CDK15: variants seen among roughly 807,000 people sequenced by gnomAD.
CDK15 encodes cyclin dependent kinase 15, also known as cyclin-dependent kinase 15.
A neutral mutation model predicts 60.3 loss-of-function variants in CDK15; 62 were observed. That is an observed-to-expected ratio of 1.03 (90% CI 0.84 to 1.27). The LOEUF (loss-of-function observed/expected upper bound fraction) is 1.27. Among genes scored for constraint, CDK15 ranks in the 50% most tolerant of loss-of-function variants. The probability of loss-of-function intolerance (pLI) is 0.00; values close to 1 mark genes in which losing one functional copy is unlikely to be tolerated. For synonymous variants in CDK15, 194 were observed against 195.7 expected (o/e 0.99, Z 0.07); for missense variants, 541 against 527.8 (o/e 1.03, Z -0.25).
intron 10 of CDK15, among the ~76,000 whole-genome samples, chr2:201,858,727 G>C (rs184330884): frequency 6.6e-6 from 1 of 152,150 alleles, no homozygotes; most frequent in East Asian, 1.9e-4. Flanking sequence ...ACCCTGGAAC[G>C]TGAACTCCAT....
At chr2:201,863,539 CACCATCAAGCTCTGTAAAACA>C (rs1698484631) in intron 10 of CDK15, among the ~76,000 whole-genome samples, 1 of 152,168 alleles carries the variant, frequency 6.6e-6, no homozygotes, top group South Asian at 2.1e-4. Flanking sequence ...CAGTGCTTTG[CACCATCAAGCTCTGTAAAACA>C]CAGAGCTGGG....
chr2:201,885,955 A>C (rs941371863), intron 12 of CDK15, among the ~76,000 whole-genome samples: 5 of 152,184 alleles, frequency 3.3e-5, no homozygotes, highest in African/African-American at 9.7e-5. Flanking sequence ...CACAGCTAGA[A>C]AGTTGTAGAG....
intron 11 of CDK15, among the ~76,000 whole-genome samples, chr2:201,875,338 G>A (rs1269890386): frequency 6.6e-6 from 1 of 152,188 alleles, no homozygotes; most frequent in African/African-American, 2.4e-5. Context: ...TGGCAGAAAT[G>A]GAAATTGGTA....
chr2:201,833,174 C>T (rs1347567903), intron 6 of CDK15, among the ~76,000 whole-genome samples: 2 of 147,834 alleles, frequency 1.4e-5, no homozygotes, highest in Non-Finnish European at 3.0e-5. Context: ...CTTCTTCCTC[C>T]TACAATTTGT....
chr2:201,823,719 A>G lies in CDK15; in HGVS notation c.598A>G (p.Asn200Asp), dbSNP rs373766977. Residue 200 changes from asparagine to aspartate, a missense_variant, in exon 6 of 14, where the codon AAT becomes GAT. Physicochemically the swap from Asn to Asp is conservative, Grantham distance 23. Transcript: ENST00000652192. ...SQHPGGLHPH[N>D]VRLFMFQLLR... ...GCATCCAGGAGGGCTTCATCCTCATAATGTCAGAGTGAGTACGTTAAGGGT... is the reference window on the plus strand; with the variant it reads ...GCATCCAGGAGGGCTTCATCCTCATGATGTCAGAGTGAGTACGTTAAGGGT... The G allele has an allele frequency of 6.8e-6, 11 of 1,613,526 alleles. No homozygotes were observed. The highest frequency in any genetic ancestry group is 8.5e-6 in the Non-Finnish European group (10 of 1,179,738).
At chr2:201,850,320 A>T (rs1375757810) in intron 9 of CDK15, among the ~76,000 whole-genome samples, 1 of 152,188 alleles carries the variant, frequency 6.6e-6, no homozygotes, top group Non-Finnish European at 1.5e-5. Flanking sequence ...TCTTTGAATG[A>T]CCACACAATT....
At position 201,890,821 on chromosome 2, in the gene CDK15, A is replaced by G; in HGVS notation, c.1235A>G (p.Lys412Arg). 6.2e-7 allele frequency: 1 copy of G among 1,613,744 alleles called. No individual in the cohort carries two copies. The highest frequency in any genetic ancestry group is 8.5e-7 in the Non-Finnish European group (1 of 1,179,822). ...TTTACAGTTTCAGGAGTGAGGCTAAAGCCAGAAATGTGTGACCTTTTGGCC... is the reference window on the plus strand; with the variant it reads ...TTTACAGTTTCAGGAGTGAGGCTAAGGCCAGAAATGTGTGACCTTTTGGCC... ...SLFTVSGVRL[K>R]PEMCDLLASY... Residue 412 changes from lysine (K) to arginine (R), a missense_variant, in exon 13 of 14, where the codon AAG becomes AGG. Coordinates refer to ENST00000652192, the MANE Select transcript of CDK15 (RefSeq NM_001366386.2).
At chr2:201,870,275 C>A (rs944438928) in intron 10 of CDK15, among the ~76,000 whole-genome samples, 1 of 152,178 alleles carries the variant, frequency 6.6e-6, no homozygotes, top group Admixed American at 6.5e-5. Flanking sequence ...AGTGAGTAGT[C>A]TTCCAGATCT....
rs1574874044 is a variant in CDK15, at chr2:201,834,048, G to T, written c.730+77G>T. 3.3e-6 allele frequency: 5 copies of T among 1,502,730 alleles called. No homozygotes were observed. In the East Asian group the frequency reaches 1.2e-4, roughly 36 times the overall value. 93.1% of individuals were successfully genotyped at this position (1,502,730 alleles called of 1,614,324 possible). A position where few individuals can be genotyped will look rare whatever the true frequency, so the allele number is the denominator to read the frequency against. ...GTGCACTTGTTTAAGCGTTGACTGGGCCTGGCCTTTGAAAACTGGAGGCCC... is the reference window on the plus strand; with the variant it reads ...GTGCACTTGTTTAAGCGTTGACTGGTCCTGGCCTTTGAAAACTGGAGGCCC... On this transcript the variant is annotated intron_variant, in intron 7 of 13. Coordinates refer to ENST00000652192, the MANE Select transcript of CDK15 (RefSeq NM_001366386.2).
At chr2:201,846,266 G>T (rs1398544191) in intron 8 of CDK15, among the ~76,000 whole-genome samples, 1 of 152,160 alleles carries the variant, frequency 6.6e-6, no homozygotes, top group Non-Finnish European at 1.5e-5. Context: ...GCTGAGGTGG[G>T]TGGATCACTT....
Position 201,854,208 on chromosome 2 carries a change from C to T in CDK15, c.946-666C>T, listed in dbSNP as rs138675719. On this transcript the variant is annotated intron_variant, in intron 9 of 13. Transcript: ENST00000652192. Reference sequence around the variant, plus strand: ...AAACATCGGTAATTCAAAGCATAGACCAGCCCTTTTTCAAGTGATGTTGTT... The same window carrying T: ...AAACATCGGTAATTCAAAGCATAGATCAGCCCTTTTTCAAGTGATGTTGTT... Among the ~76,000 whole-genome samples, 45 of 152,102 alleles carry T rather than the reference C, an allele frequency of 3.0e-4. No individual in the cohort carries two copies. The East Asian group carries it at 6.6e-3, about 22-fold the overall frequency.
At chr2:201,836,135 T>TC (rs1559126366) in intron 8 of CDK15, among the ~76,000 whole-genome samples, 26 of 112,856 alleles carry the variant, frequency 2.3e-4, no homozygotes, top group Non-Finnish European at 4.3e-4. Context: ...ATTTTATATA[T>TC]TTATATATTA....
At chr2:201,830,672 C>T (rs1696714781) in intron 6 of CDK15, among the ~76,000 whole-genome samples, 1 of 152,044 alleles carries the variant, frequency 6.6e-6, no homozygotes, top group East Asian at 1.9e-4. Context: ...TCCAAGTGCC[C>T]ACATCTTCAG....
At position 201,871,520 on chromosome 2, in the gene CDK15, C is replaced by T. The variant is rs528052061; in HGVS notation, c.1010-758C>T. On this transcript the variant is annotated intron_variant, in intron 10 of 13. Coordinates refer to ENST00000652192, the MANE Select transcript of CDK15 (RefSeq NM_001366386.2). ...GCCTCATTATTCATCACATTTCACG[C>T]GCGTATACTTGTTCTCCCAAATGAA... Among the ~76,000 whole-genome samples the T allele has an allele frequency of 6.6e-5, 10 of 151,910 alleles. No homozygotes were observed. In the South Asian group the frequency reaches 8.3e-4, roughly 13 times the overall value.
At chr2:201,807,126 T>C (rs1695544779) in intron 1 of CDK15, among the ~76,000 whole-genome samples, 1 of 152,130 alleles carries the variant, frequency 6.6e-6, no homozygotes, top group South Asian at 2.1e-4. Context: ...GATTTGAAAC[T>C]TTAGTAATTA....
chr2:201,839,156 C>T (rs1184994222), intron 8 of CDK15, among the ~76,000 whole-genome samples: 1 of 152,074 alleles, frequency 6.6e-6, no homozygotes, highest in Non-Finnish European at 1.5e-5. Context: ...ATCTGTTTAG[C>T]TATACTTTAT....
intron 3 of CDK15, among the ~76,000 whole-genome samples, chr2:201,809,881 T>TC (rs1176982661): frequency 6.6e-6 from 1 of 151,880 alleles, no homozygotes; most frequent in Non-Finnish European, 1.5e-5. Context: ...CACAGCTGAC[T>TC]CCCCCTCGCC....
At chr2:201,820,402 G>A (rs1403226527) in intron 4 of CDK15, among the ~76,000 whole-genome samples, 1 of 152,016 alleles carries the variant, frequency 6.6e-6, no homozygotes, top group East Asian at 1.9e-4. Context: ...AAGAGGGAAG[G>A]GATACTAATT....
intron 11 of CDK15, chr2:201,876,655 C>A: frequency 1.0e-6 from 1 of 972,772 alleles, no homozygotes; most frequent in Non-Finnish European, 1.4e-6. Context: ...CACCAGAAGC[C>A]CTGAAACAAC....
Sources: gnomAD v4.1 joint callset for allele counts (sites outside exome capture counted in the v4.1 genomes callset) on GRCh38, gnomAD v4.1.1 for gene constraint, MANE v1.5 for transcripts, NCBI Gene and HGNC (gene_info 2026-07-23, HGNC 2026-07-21) for gene names.